The following ATOSA variants were observed in gnomAD, a reference collection of about 807,000 sequenced individuals.
The protein encoded by ATOSA is atos homolog protein A.
At chr15:52,639,760 A>ATT in the ATOSA span, among the ~76,000 whole-genome samples, 1 of 151,714 alleles carries the variant, frequency 6.6e-6, no homozygotes, top group Admixed American at 6.6e-5. Context: ...GTGAATATTT[A>ATT]TTTTTTTTAG....
At chr15:52,703,586 G>A in the ATOSA span, among the ~76,000 whole-genome samples, 9 of 151,734 alleles carry the variant, frequency 5.9e-5, no homozygotes, top group African/African-American at 2.2e-4. Context: ...TAGAAATCTA[G>A]TAAAGATATA....
chr15:52,639,124 A>C, the ATOSA span, among the ~76,000 whole-genome samples: 1 of 151,916 alleles, frequency 6.6e-6, no homozygotes, highest in Non-Finnish European at 1.5e-5. Flanking sequence ...GCTTAAATTA[A>C]AAGTTTACCT....
chr15:52,704,430 C>G, the ATOSA span, among the ~76,000 whole-genome samples: 4 of 152,306 alleles, frequency 2.6e-5, no homozygotes, highest in East Asian at 5.8e-4. Context: ...CAATACCATT[C>G]AGGACATAGG....
chr15:52,582,936 C>T, the ATOSA span, among the ~76,000 whole-genome samples: 1 of 152,246 alleles, frequency 6.6e-6, no homozygotes, highest in Non-Finnish European at 1.5e-5. Context: ...CTCACATTAA[C>T]TTACCTACCA....
chr15:52,612,668 C>T, the ATOSA span, among the ~76,000 whole-genome samples: 7 of 151,810 alleles, frequency 4.6e-5, no homozygotes, highest in Non-Finnish European at 7.4e-5. Flanking sequence ...CCACACCCAG[C>T]GAAGTTTTGT....
chr15:52,619,759 A>G, the ATOSA span, among the ~76,000 whole-genome samples: 1 of 152,060 alleles, frequency 6.6e-6, no homozygotes, highest in Non-Finnish European at 1.5e-5. Flanking sequence ...TGAACCCAGG[A>G]GGTGTAGGTT....
the ATOSA span, chr15:52,658,885 T>G: frequency 2.5e-6 from 1 of 394,038 alleles, no homozygotes; most frequent in East Asian, 3.6e-5. Context: ...TCTCAGGGAC[T>G]GAGGCAGAAG....
the ATOSA span, among the ~76,000 whole-genome samples, chr15:52,697,425 CTA>C: frequency 6.6e-6 from 1 of 152,194 alleles, no homozygotes; most frequent in East Asian, 1.9e-4. Context: ...ATGGAAGAAC[CTA>C]TCTTACATAT....
At chr15:52,675,665 C>T in the ATOSA span, among the ~76,000 whole-genome samples, 7 of 152,146 alleles carry the variant, frequency 4.6e-5, no homozygotes, top group Non-Finnish European at 1.0e-4. Context: ...TCCCAGCACA[C>T]TGGGAGGCCG....
the ATOSA span, among the ~76,000 whole-genome samples, chr15:52,619,666 C>A: frequency 6.6e-6 from 1 of 151,778 alleles, no homozygotes; most frequent in Admixed American, 6.6e-5. Context: ...AACCCTGTCT[C>A]TACTAAAAAT....
At chr15:52,678,166 C>T in the ATOSA span, 3 of 970,116 alleles carry the variant, frequency 3.1e-6, no homozygotes, top group Admixed American at 3.9e-5. Context: ...TATTCTAATA[C>T]CCGGACCTTG....
the ATOSA span, among the ~76,000 whole-genome samples, chr15:52,704,737 C>G: frequency 6.6e-6 from 1 of 152,132 alleles, no homozygotes; most frequent in African/African-American, 2.4e-5. Context: ...ATTTATGCAG[C>G]CAACAGACAT....
the ATOSA span, among the ~76,000 whole-genome samples, chr15:52,677,405 ATAT>A: frequency 6.6e-6 from 1 of 152,206 alleles, no homozygotes; most frequent in African/African-American, 2.4e-5. Flanking sequence ...AGCAGTGTAT[ATAT>A]TATTCTTATA....
chr15:52,605,309 G>T, the ATOSA span: 2 of 1,254,866 alleles, frequency 1.6e-6, no homozygotes, highest in Non-Finnish European at 2.2e-6. Context: ...AACTTGGACA[G>T]TGTTTTTGTT....
At chr15:52,650,674 C>G in the ATOSA span, among the ~76,000 whole-genome samples, 6 of 152,134 alleles carry the variant, frequency 3.9e-5, no homozygotes, top group African/African-American at 1.4e-4. Context: ...AAAACCCATC[C>G]TATTCCAAAC....
chr15:52,609,177 T>C, the ATOSA span: 2 of 1,613,578 alleles, frequency 1.2e-6, no homozygotes, highest in Admixed American at 1.7e-5. Flanking sequence ...TTGTTTGATG[T>C]TTCAAAGAAC....
the ATOSA span, among the ~76,000 whole-genome samples, chr15:52,662,265 A>G: frequency 6.6e-6 from 1 of 152,326 alleles, no homozygotes; most frequent in African/African-American, 2.4e-5. Context: ...TATTAGTATC[A>G]TGGGGACTCC....
the ATOSA span, among the ~76,000 whole-genome samples, chr15:52,638,591 C>T: frequency 1.3e-5 from 2 of 151,210 alleles, no homozygotes; most frequent in African/African-American, 4.9e-5. Flanking sequence ...ATCCCAGCTA[C>T]TTGGGAGGCA....
At chr15:52,595,806 A>C in the ATOSA span, among the ~76,000 whole-genome samples, 272 of 152,322 alleles carry the variant, frequency 1.8e-3, 1 homozygote, top group East Asian at 0.025. Flanking sequence ...GTATACATCT[A>C]CAAAAAGATA....
Sources: allele counts gnomAD v4.1 joint callset (sites outside exome capture counted in the v4.1 genomes callset), GRCh38; gene constraint gnomAD v4.1.1; transcripts MANE v1.5; gene names NCBI Gene and HGNC (gene_info 2026-07-23, HGNC 2026-07-21).